The following COL4A5 variants were observed in gnomAD, a reference collection of about 807,000 sequenced individuals.
COL4A5 encodes the protein collagen type IV alpha 5 chain, also known as collagen alpha-5(IV) chain.
In COL4A5, 26 loss-of-function variants were observed where a neutral mutation model predicts 130.2. That is an observed-to-expected ratio of 0.20 (90% CI 0.15 to 0.28). The LOEUF is 0.28. Among genes scored for constraint, COL4A5 ranks in the 10% least tolerant of loss-of-function variants. The pLI, the probability that COL4A5 is intolerant of heterozygous loss-of-function variation, is 1.00. For synonymous variants in COL4A5, 496 were observed against 439.6 expected (o/e 1.13, Z -1.60); for missense variants, 1,131 against 1,344.3 (o/e 0.84, Z 2.48).
chrX:108,473,633 A>ATATTTTTT lies in COL4A5; in HGVS notation c.81+33428_81+33429insATTTTTTT. Among the ~76,000 whole-genome samples, 131 of 34,554 alleles carry ATATTTTTT rather than the reference A, an allele frequency of 3.8e-3. 3 individuals carry two copies. Among genetic ancestry groups the ATATTTTTT allele is most frequent in the African/African-American group, 0.01 (97 of 9,267 alleles). 30.0% of individuals were successfully genotyped at this position (34,554 alleles called of 115,157 possible). On this transcript the variant is annotated intron_variant, in intron 1 of 52. Transcript: ENST00000328300. ...TATATGTATATATATATATATATAT[A>ATATTTTTT]TTTTTTTTTTTTTGAGATGAAGTCT...
At chrX:108,563,624 T>C (rs1251386830) in intron 3 of COL4A5, among the ~76,000 whole-genome samples, 2 of 111,620 alleles carry the variant, frequency 1.8e-5, no homozygotes, top group Non-Finnish European at 3.8e-5. Flanking sequence ...GATTCATAAT[T>C]AACTGTACAG....
chrX:108,590,978 T>C (rs779350445), intron 19 of COL4A5, 80 bp from the exon 20 acceptor site: 2 of 896,953 alleles, frequency 2.2e-6, no homozygotes, highest in Non-Finnish European at 3.2e-6. Flanking sequence ...AGGAAGATCT[T>C]ATCATTATCT....
chrX:108,601,772 C>A (rs918092854), intron 26 of COL4A5, 113 bp from the exon 27 acceptor site: 1 of 525,589 alleles, frequency 1.9e-6, no homozygotes, highest in Non-Finnish European at 3.4e-6. Context: ...CTCAGGTGAC[C>A]CATTGCCTCA....
intron 2 of COL4A5, among the ~76,000 whole-genome samples, chrX:108,544,313 C>G (rs1007250843): frequency 2.7e-5 from 3 of 112,021 alleles, no homozygotes; most frequent in African/African-American, 9.7e-5. Context: ...GAGCTTTTAG[C>G]CTGAAGGGCT....
intron 2 of COL4A5, 56 bp downstream of exon 2, chrX:108,539,861 TAATA>T: frequency 1.0e-6 from 1 of 974,165 alleles, no homozygotes; most frequent in Non-Finnish European, 1.5e-6. Context: ...CTAATGGTTT[TAATA>T]AATATTTTTT....
chrX:108,463,983 G>C (rs1384102128), intron 1 of COL4A5, among the ~76,000 whole-genome samples: 1 of 111,865 alleles, frequency 8.9e-6, no homozygotes, highest in African/African-American at 3.3e-5. Context: ...TAGTGTAATG[G>C]TTTAGTTTAG....
intron 30 of COL4A5, among the ~76,000 whole-genome samples, chrX:108,615,822 C>T (rs28442012): frequency 0.016 from 1,797 of 111,813 alleles, 42 homozygotes; most frequent in African/African-American, 0.055. Context: ...TTTAATTGTT[C>T]CTTAATTCAC....
intron 19 of COL4A5, among the ~76,000 whole-genome samples, chrX:108,590,261 A>G (rs2066409838): frequency 9.0e-6 from 1 of 111,521 alleles, no homozygotes; most frequent in Non-Finnish European, 1.9e-5. Context: ...TCTGAGTAGC[A>G]TACTTAATTT....
At chrX:108,443,928 A>T (rs2064426360) in intron 1 of COL4A5, among the ~76,000 whole-genome samples, 1 of 112,278 alleles carries the variant, frequency 8.9e-6, no homozygotes, top group African/African-American at 3.2e-5. Context: ...TCAATTTTCA[A>T]CATTTTTACA....
intron 28 of COL4A5, among the ~76,000 whole-genome samples, chrX:108,605,196 G>T (rs180992445): frequency 5.3e-5 from 6 of 112,276 alleles, no homozygotes; most frequent in African/African-American, 1.9e-4. Context: ...CTTAGCTTTT[G>T]ACATGCCTTC....
chrX:108,622,557 A>C (rs1603298036), intron 32 of COL4A5, 119 bp from the exon 33 acceptor site: 1 of 726,594 alleles, frequency 1.4e-6, no homozygotes, highest in East Asian at 3.2e-5. Context: ...TCCAAGGTGC[A>C]TAAATGTTTT....
chrX:108,649,687 A>T (rs1276470916), intron 36 of COL4A5, among the ~76,000 whole-genome samples: 4 of 111,795 alleles, frequency 3.6e-5, no homozygotes, highest in Non-Finnish European at 1.9e-5. Flanking sequence ...AATGGTGCTC[A>T]GTTAATTGGC....
At chrX:108,637,923 C>T (rs2067386422) in intron 36 of COL4A5, among the ~76,000 whole-genome samples, 1 of 108,124 alleles carries the variant, frequency 9.2e-6, no homozygotes, top group African/African-American at 3.4e-5. Context: ...GGTGCAGTTA[C>T]GGCTCACTGC....
intron 4 of COL4A5, among the ~76,000 whole-genome samples, chrX:108,565,984 CT>C (rs113282994): frequency 0.1 from 8,779 of 86,563 alleles, 949 homozygotes; most frequent in African/African-American, 0.32. Flanking sequence ...GGCTATTCTT[CT>C]TTTTTTTTTT....
chrX:108,448,279 G>A (rs955126647), intron 1 of COL4A5, among the ~76,000 whole-genome samples: 2 of 112,424 alleles, frequency 1.8e-5, no homozygotes, highest in African/African-American at 6.5e-5. Context: ...TGTAGAGAAT[G>A]TAAGTACCAT....
chrX:108,530,446 A>G (rs2065369978), intron 1 of COL4A5, among the ~76,000 whole-genome samples: 1 of 108,176 alleles, frequency 9.2e-6, no homozygotes, highest in Admixed American at 1.0e-4. Context: ...AAATTTTCGC[A>G]ACCTACTCAT....
intron 2 of COL4A5, among the ~76,000 whole-genome samples, chrX:108,557,750 T>TGCTTTC (rs2065842803): frequency 9.1e-6 from 1 of 110,425 alleles, no homozygotes; most frequent in African/African-American, 3.3e-5. Context: ...TAGATATGGA[T>TGCTTTC]GCTTTCTCTT....
intron 44 of COL4A5, among the ~76,000 whole-genome samples, chrX:108,678,959 G>A (rs758192364): frequency 9.0e-6 from 1 of 110,776 alleles, no homozygotes; most frequent in South Asian, 3.8e-4. Context: ...TTAAGAAATT[G>A]TACCACCACC....
intron 37 of COL4A5, among the ~76,000 whole-genome samples, chrX:108,661,780 T>A (rs1165310895): frequency 9.0e-6 from 1 of 111,329 alleles, no homozygotes; most frequent in East Asian, 2.8e-4. Context: ...TGATGGAGTT[T>A]TAGATTTTGT....
Sources: gnomAD v4.1 joint callset for allele counts (sites outside exome capture counted in the v4.1 genomes callset) on GRCh38, gnomAD v4.1.1 for gene constraint, MANE v1.5 for transcripts, NCBI Gene and HGNC (gene_info 2026-07-23, HGNC 2026-07-21) for gene names.